LYPD6B: variants seen among roughly 807,000 people sequenced by gnomAD.
LYPD6B encodes the protein ly6/PLAUR domain-containing protein 6B.
In LYPD6B, 17 loss-of-function variants were observed where a neutral mutation model predicts 22.8. The observed-to-expected ratio is 0.75, with a 90% CI of 0.51 to 1.12. LYPD6B has a LOEUF of 1.12. Ranked by LOEUF, LYPD6B falls within the 50% of genes most tolerant of loss-of-function variation. The probability of loss-of-function intolerance (pLI) is 0.00; values close to 1 mark genes in which losing one functional copy is unlikely to be tolerated. For missense variants in LYPD6B, 221 were observed against 258.3 expected (o/e 0.86, Z 0.99); for synonymous variants, 106 against 91.6 (o/e 1.16, Z -0.90).
At chr2:149,102,137 C>T (rs1322241207) in intron 1 of LYPD6B, among the ~76,000 whole-genome samples, 1 of 152,136 alleles carries the variant, frequency 6.6e-6, no homozygotes, top group Non-Finnish European at 1.5e-5. Flanking sequence ...CCAAGGGCTA[C>T]TGGCTTCCTA....
chr2:149,065,874 C>CT (rs968177832), intron 1 of LYPD6B, among the ~76,000 whole-genome samples: 14 of 151,206 alleles, frequency 9.3e-5, no homozygotes, highest in Admixed American at 2.0e-4. Flanking sequence ...GTGTCTGGCC[C>CT]TTTTTTTTTG....
At chr2:149,187,803 C>T (rs1016674451) in intron 3 of LYPD6B, among the ~76,000 whole-genome samples, 2 of 152,222 alleles carry the variant, frequency 1.3e-5, no homozygotes, top group Admixed American at 6.5e-5. Flanking sequence ...TGTGTTTGGC[C>T]GCATTCAAAG....
At chr2:149,041,913 C>T (rs867609618) in intron 1 of LYPD6B, among the ~76,000 whole-genome samples, 1 of 152,190 alleles carries the variant, frequency 6.6e-6, no homozygotes, top group Non-Finnish European at 1.5e-5. Context: ...AACAGTGGCT[C>T]ACTCTATGGT....
intron 3 of LYPD6B, 101 bp downstream of exon 3, chr2:149,160,936 T>G (rs1285688098): frequency 4.7e-6 from 4 of 859,616 alleles, no homozygotes; most frequent in African/African-American, 1.7e-5. Context: ...CCCTGTGTTT[T>G]TCCCATCTCC....
intron 3 of LYPD6B, among the ~76,000 whole-genome samples, chr2:149,189,259 A>G (rs897158011): frequency 6.6e-6 from 1 of 150,682 alleles, no homozygotes; most frequent in African/African-American, 2.4e-5. Context: ...TTCAAAAAGC[A>G]TAAAATAAAT....
chr2:149,191,671 A>G (rs1692499443), intron 3 of LYPD6B, among the ~76,000 whole-genome samples: 2 of 152,326 alleles, frequency 1.3e-5, no homozygotes, highest in South Asian at 4.1e-4. Flanking sequence ...TAAAAATTGA[A>G]AAAATTATAA....
intron 2 of LYPD6B, among the ~76,000 whole-genome samples, chr2:149,146,896 A>T (rs541832722): frequency 6.6e-6 from 1 of 152,264 alleles, no homozygotes; most frequent in Non-Finnish European, 1.5e-5. Flanking sequence ...ATTATTTTTT[A>T]TTTCTTCACA....
At chr2:149,195,196 A>G (rs1245756583) in intron 3 of LYPD6B, among the ~76,000 whole-genome samples, 4 of 152,212 alleles carry the variant, frequency 2.6e-5, no homozygotes, top group African/African-American at 9.6e-5. Context: ...ATCTCCAAAC[A>G]TAGACTGGGC....
intron 3 of LYPD6B, among the ~76,000 whole-genome samples, chr2:149,188,442 G>A (rs906858622): frequency 1.3e-5 from 2 of 152,140 alleles, no homozygotes; most frequent in African/African-American, 4.8e-5. Context: ...TGCACCGAGG[G>A]TGGGGAAAAG....
chr2:149,187,652 T>C (rs1287821661), intron 3 of LYPD6B: 2 of 813,350 alleles, frequency 2.5e-6, no homozygotes, highest in Non-Finnish European at 3.5e-6. Flanking sequence ...TTGTCCAATC[T>C]TTTGGATTCT....
At position 149,188,488 on chromosome 2, in the gene LYPD6B, A is replaced by G. The variant is rs915051399; in HGVS notation, c.78-16765A>G. On this transcript the variant is annotated intron_variant, in intron 3 of 6. Coordinates refer to ENST00000409642, the MANE Select transcript of LYPD6B (RefSeq NM_177964.5). ...CTCCACCTAACCCCAGCCCAGAGTC[A>G]TTACTCATTCAGGATGTGATGAATA... Among the ~76,000 whole-genome samples, 5 of 152,330 alleles carry G rather than the reference A, an allele frequency of 3.3e-5. No individual in the cohort carries two copies. In the East Asian group the frequency reaches 9.7e-4, roughly 29 times the overall value.
At chr2:149,145,963 G>A (rs985974401) in intron 2 of LYPD6B, among the ~76,000 whole-genome samples, 11 of 152,216 alleles carry the variant, frequency 7.2e-5, no homozygotes, top group African/African-American at 2.4e-4. Context: ...ACATGTGACC[G>A]GAGGTGAAAA....
chr2:149,111,012 A>G (rs1686731418), intron 1 of LYPD6B, among the ~76,000 whole-genome samples: 1 of 152,186 alleles, frequency 6.6e-6, no homozygotes, highest in South Asian at 2.1e-4. Flanking sequence ...AGGACACTAC[A>G]GGTAAATGAC....
At chr2:149,108,555 A>G (rs1431112424) in intron 1 of LYPD6B, among the ~76,000 whole-genome samples, 1 of 152,096 alleles carries the variant, frequency 6.6e-6, no homozygotes, top group Non-Finnish European at 1.5e-5. Context: ...TGAATCTTTT[A>G]CCTTCATTCT....
chr2:149,205,746 A>G (rs553282642), intron 4 of LYPD6B, among the ~76,000 whole-genome samples: 44 of 152,318 alleles, frequency 2.9e-4, no homozygotes, highest in African/African-American at 1.0e-3. Context: ...GTTTCTGCAT[A>G]AATGATCTAT....
chr2:149,076,660 CAAGAA>C (rs1461341899), intron 1 of LYPD6B, among the ~76,000 whole-genome samples: 1 of 151,870 alleles, frequency 6.6e-6, no homozygotes, highest in East Asian at 1.9e-4. Flanking sequence ...GAAAAAAAGA[CAAGAA>C]GAGAATGTTA....
chr2:149,083,621 T>C (rs779698638), intron 1 of LYPD6B, among the ~76,000 whole-genome samples: 2 of 152,220 alleles, frequency 1.3e-5, no homozygotes, highest in African/African-American at 2.4e-5. Context: ...TTGTATTTCC[T>C]GTAAACTGGA....
chr2:149,043,424 G>GA (rs1397984544), intron 1 of LYPD6B, among the ~76,000 whole-genome samples: 1 of 152,070 alleles, frequency 6.6e-6, no homozygotes, highest in Non-Finnish European at 1.5e-5. Flanking sequence ...TTACTGCCTG[G>GA]AAAAAACAGA....
chr2:149,143,087 T>C (rs1688791437), intron 2 of LYPD6B, among the ~76,000 whole-genome samples: 1 of 152,214 alleles, frequency 6.6e-6, no homozygotes, highest in Admixed American at 6.5e-5. Flanking sequence ...TTAGTTAACA[T>C]GCATAATCAT....
Sources: gnomAD v4.1 joint callset for allele counts (sites outside exome capture counted in the v4.1 genomes callset) on GRCh38, gnomAD v4.1.1 for gene constraint, MANE v1.5 for transcripts, NCBI Gene and HGNC (gene_info 2026-07-23, HGNC 2026-07-21) for gene names.